Variants in PTPRD observed in about 807,000 individuals in gnomAD.
The protein encoded by PTPRD is protein tyrosine phosphatase receptor type D, also known as receptor-type tyrosine-protein phosphatase delta.
In PTPRD, 34 loss-of-function variants were observed where a neutral mutation model predicts 214.5. That is an observed-to-expected ratio of 0.16 (90% CI 0.12 to 0.21). The LOEUF is 0.21. Ranked by LOEUF, PTPRD falls within the 10% of genes least tolerant of loss-of-function variation. The pLI, the probability that PTPRD is intolerant of heterozygous loss-of-function variation, is 1.00. For synonymous variants in PTPRD, 1,128 were observed against 845.7 expected (o/e 1.33, Z -5.79); for missense variants, 2,545 against 2,398.7 (o/e 1.06, Z -1.27).
chr9:10,080,980 G>A (rs1349785212), intron 3 of PTPRD, among the ~76,000 whole-genome samples: 1 of 151,936 alleles, frequency 6.6e-6, no homozygotes, highest in Non-Finnish European at 1.5e-5. Context: ...CTTATTTTAA[G>A]AGACTGTAGG....
chr9:8,444,671 C>G (rs181987740), intron 34 of PTPRD, among the ~76,000 whole-genome samples: 2 of 152,022 alleles, frequency 1.3e-5, no homozygotes, highest in Admixed American at 1.3e-4. Context: ...ATAATGAACA[C>G]CTAAATGGTC....
intron 9 of PTPRD, among the ~76,000 whole-genome samples, chr9:9,195,816 A>C (rs1367282572): frequency 6.6e-6 from 1 of 152,280 alleles, no homozygotes; most frequent in Non-Finnish European, 1.5e-5. Context: ...CAGGCTGTCA[A>C]GAATAAGAAA....
At chr9:10,556,226 T>C (rs1235949745) in intron 2 of PTPRD, among the ~76,000 whole-genome samples, 1 of 151,970 alleles carries the variant, frequency 6.6e-6, no homozygotes, top group East Asian at 1.9e-4. Flanking sequence ...AATTACTAAG[T>C]AGATCATTTC....
chr9:9,729,369 A>G (rs1350154681), intron 7 of PTPRD, among the ~76,000 whole-genome samples: 1 of 152,104 alleles, frequency 6.6e-6, no homozygotes, highest in African/African-American at 2.4e-5. Flanking sequence ...AAATGCACAT[A>G]GAGGATTTTT....
intron 35 of PTPRD, among the ~76,000 whole-genome samples, chr9:8,433,613 C>A (rs77472496): frequency 1.3e-5 from 2 of 151,804 alleles, no homozygotes; most frequent in Admixed American, 1.3e-4. Flanking sequence ...AGTTTTTAAT[C>A]AAAAATTCTA....
At chr9:8,969,654 G>C (rs1470568619) in intron 11 of PTPRD, among the ~76,000 whole-genome samples, 4 of 151,890 alleles carry the variant, frequency 2.6e-5, no homozygotes, top group African/African-American at 9.7e-5. Flanking sequence ...TATTAGGGGA[G>C]AGAAATGGGA....
intron 14 of PTPRD, among the ~76,000 whole-genome samples, chr9:8,615,913 G>T (rs961696561): frequency 1.3e-5 from 2 of 152,154 alleles, no homozygotes; most frequent in South Asian, 2.1e-4. Context: ...ATGTCAGCTA[G>T]TCTGTGCTAC....
chr9:9,842,387 A>G (rs2058553245), intron 5 of PTPRD, among the ~76,000 whole-genome samples: 1 of 131,430 alleles, frequency 7.6e-6, no homozygotes, highest in South Asian at 2.4e-4. Context: ...GGATTTTTCC[A>G]TTTCATCTTT....
At chr9:8,741,542 C>G (rs1476290301) in intron 11 of PTPRD, among the ~76,000 whole-genome samples, 2 of 108,066 alleles carry the variant, frequency 1.9e-5, no homozygotes, top group East Asian at 6.4e-4. Flanking sequence ...AACATGGATT[C>G]TATTATTTTA....
At chr9:9,761,629 T>C (rs750449345) in intron 6 of PTPRD, among the ~76,000 whole-genome samples, 8 of 152,164 alleles carry the variant, frequency 5.3e-5, no homozygotes, top group Non-Finnish European at 1.2e-4. Flanking sequence ...ACTATAGTTT[T>C]CCAAAATGTT....
chr9:8,899,126 C>T (rs2098644221), intron 11 of PTPRD, among the ~76,000 whole-genome samples: 1 of 151,920 alleles, frequency 6.6e-6, no homozygotes. Flanking sequence ...GAGAACCAGG[C>T]AAGATAAAAA....
At chr9:8,495,998 T>C (rs1234342335) in intron 26 of PTPRD, among the ~76,000 whole-genome samples, 1 of 152,178 alleles carries the variant, frequency 6.6e-6, no homozygotes, top group African/African-American at 2.4e-5. Context: ...AGTATTATAT[T>C]ATAGTTTACC....
At chr9:9,068,634 G>A (rs1460173944) in intron 10 of PTPRD, among the ~76,000 whole-genome samples, 1 of 149,506 alleles carries the variant, frequency 6.7e-6, no homozygotes, top group Non-Finnish European at 1.5e-5. Context: ...TTTCTTTTGA[G>A]ATGGAGTCTC....
intron 2 of PTPRD, among the ~76,000 whole-genome samples, chr9:10,525,135 T>C (rs1001107926): frequency 3.9e-5 from 6 of 152,068 alleles, no homozygotes; most frequent in African/African-American, 1.4e-4. Flanking sequence ...ATAAAGTTAG[T>C]ACATTTATCC....
At chr9:8,679,122 C>T (rs962651478) in intron 12 of PTPRD, among the ~76,000 whole-genome samples, 1 of 152,134 alleles carries the variant, frequency 6.6e-6, no homozygotes, top group African/African-American at 2.4e-5. Flanking sequence ...TTAGCCTCAA[C>T]AGCCTATAAA....
At chr9:10,527,874 G>A (rs10809112) in intron 2 of PTPRD, among the ~76,000 whole-genome samples, 24,857 of 152,082 alleles carry the variant, frequency 0.16, 2,408 homozygotes, top group Admixed American at 0.27. Flanking sequence ...ATGGCATTAT[G>A]AGAAAGATAA....
Position 8,316,708 on chromosome 9 carries a change from G to C in PTPRD, c.*1166C>G, listed in dbSNP as rs1184513793. The C allele has an allele frequency of 4.3e-6, 1 of 231,014 alleles. No individual in the cohort carries two copies. Among genetic ancestry groups the C allele is most frequent in the Non-Finnish European group, 8.6e-6 (1 of 116,526 alleles). 14.3% of individuals were successfully genotyped at this position (231,014 alleles called of 1,614,324 possible). A position where few individuals can be genotyped will look rare whatever the true frequency, so the allele number is the denominator to read the frequency against. Reference sequence around the variant, plus strand: ...AACAAACAAAACAATTTGTGGATGTGATTGATTGGTTAGGTGGGGGTAGAT... The same window carrying C: ...AACAAACAAAACAATTTGTGGATGTCATTGATTGGTTAGGTGGGGGTAGAT... On this transcript the variant is annotated 3_prime_UTR_variant, in exon 46 of 46. Coordinates refer to ENST00000381196, the MANE Select transcript of PTPRD (RefSeq NM_002839.4).
chr9:9,270,183 G>A (rs1569566264), intron 9 of PTPRD, among the ~76,000 whole-genome samples: 2 of 151,046 alleles, frequency 1.3e-5, no homozygotes, highest in African/African-American at 4.8e-5. Flanking sequence ...AAAACATCAC[G>A]TTGCACACAT....
At chr9:8,741,913 T>C (rs2092031282) in intron 11 of PTPRD, among the ~76,000 whole-genome samples, 1 of 152,094 alleles carries the variant, frequency 6.6e-6, no homozygotes, top group Non-Finnish European at 1.5e-5. Context: ...TTATGTTAAA[T>C]AATTTATTAG....
Sources: gnomAD v4.1 joint callset for allele counts (sites outside exome capture counted in the v4.1 genomes callset) on GRCh38, gnomAD v4.1.1 for gene constraint, MANE v1.5 for transcripts, NCBI Gene and HGNC (gene_info 2026-07-23, HGNC 2026-07-21) for gene names.